RBMS3: variants seen among roughly 807,000 people sequenced by gnomAD.
RBMS3 encodes RNA-binding motif, single-stranded-interacting protein 3.
RBMS3 carries 27 observed loss-of-function variants against 66.8 expected under a neutral mutation model. The observed-to-expected ratio is 0.40, with a 90% CI of 0.30 to 0.56. RBMS3 has a LOEUF of 0.56. Among genes scored for constraint, RBMS3 ranks in the 20% least tolerant of loss-of-function variants. RBMS3 has a pLI of 0.40. For missense variants in RBMS3, 513 were observed against 549.5 expected (o/e 0.93, Z 0.66); for synonymous variants, 188 against 183.0 (o/e 1.03, Z -0.22).
At chr3:29,954,223 A>G (rs937093893) in intron 12 of RBMS3, among the ~76,000 whole-genome samples, 1 of 151,842 alleles carries the variant, frequency 6.6e-6, no homozygotes. Context: ...TAACTGTTAT[A>G]TAGATGACCT....
At chr3:29,891,616 T>C (rs2060003862) in intron 8 of RBMS3, among the ~76,000 whole-genome samples, 1 of 151,514 alleles carries the variant, frequency 6.6e-6, no homozygotes, top group Admixed American at 6.6e-5. Flanking sequence ...ATCTCATCTT[T>C]CCTGTGCCCT....
intron 1 of RBMS3, among the ~76,000 whole-genome samples, chr3:29,323,598 T>C (rs1195180014): frequency 6.6e-6 from 1 of 151,946 alleles, no homozygotes; most frequent in African/African-American, 2.4e-5. Flanking sequence ...AAGCCATATG[T>C]AATATGTCTG....
intron 2 of RBMS3, among the ~76,000 whole-genome samples, chr3:29,487,936 C>T (rs1218239556): frequency 1.3e-5 from 2 of 152,160 alleles, no homozygotes; most frequent in East Asian, 1.9e-4. Flanking sequence ...TACATTGCTC[C>T]TGGAGCCTAA....
chr3:29,969,234 GATA>G (rs1697065999), intron 12 of RBMS3, among the ~76,000 whole-genome samples: 1 of 152,144 alleles, frequency 6.6e-6, no homozygotes, highest in South Asian at 2.1e-4. Flanking sequence ...AACGATTTTG[GATA>G]ATTCTACCAG....
intron 1 of RBMS3, among the ~76,000 whole-genome samples, chr3:29,381,802 T>C (rs1431307914): frequency 1.3e-5 from 2 of 152,196 alleles, no homozygotes; most frequent in African/African-American, 4.8e-5. Context: ...GCTGAGTTCA[T>C]TTTTGTCTTT....
rs190301564 is a variant in RBMS3, at chr3:29,782,874, G to A, written c.637+19885G>A. ...TCTGGAAATCAAGGACACACTTAGA[G>A]AAATGCAAAATGCACTAGAAAGTCT... On this transcript the variant is annotated intron_variant, in intron 6 of 14. Coordinates refer to ENST00000383767, the MANE Select transcript of RBMS3 (RefSeq NM_001003793.3). Among the ~76,000 whole-genome samples, 385 of 152,152 alleles carry A rather than the reference G, an allele frequency of 2.5e-3. 1 individual carries two copies. Among genetic ancestry groups the A allele is most frequent in the Non-Finnish European group, 3.0e-3 (206 of 68,014 alleles).
intron 1 of RBMS3, among the ~76,000 whole-genome samples, chr3:29,383,303 C>A (rs13059377): frequency 6.6e-6 from 1 of 152,084 alleles, no homozygotes; most frequent in Non-Finnish European, 1.5e-5. Flanking sequence ...TGGTTTCTCT[C>A]GTCACTTGTC....
chr3:29,295,341 A>G (rs1575486751), intron 1 of RBMS3, among the ~76,000 whole-genome samples: 2 of 144,550 alleles, frequency 1.4e-5, no homozygotes, highest in Admixed American at 1.4e-4. Context: ...ACACATATAT[A>G]TATACATATA....
chr3:29,726,610 G>A (rs879086198), intron 4 of RBMS3, among the ~76,000 whole-genome samples: 1 of 151,994 alleles, frequency 6.6e-6, no homozygotes, highest in African/African-American at 2.4e-5. Context: ...ATACACAATT[G>A]CATGGGAGAA....
intron 4 of RBMS3, among the ~76,000 whole-genome samples, chr3:29,624,014 T>G (rs964466694): frequency 2.0e-5 from 3 of 152,226 alleles, no homozygotes; most frequent in Admixed American, 2.0e-4. Flanking sequence ...AATATATGCC[T>G]ATAATAATGT....
intron 10 of RBMS3, among the ~76,000 whole-genome samples, chr3:29,917,272 A>G (rs1475352221): frequency 6.6e-6 from 1 of 152,066 alleles, no homozygotes; most frequent in East Asian, 1.9e-4. Flanking sequence ...AAGCAGGTGT[A>G]ATTTGTCTTT....
At chr3:29,457,108 A>T (rs12495100) in intron 2 of RBMS3, among the ~76,000 whole-genome samples, 1 of 152,010 alleles carries the variant, frequency 6.6e-6, no homozygotes, top group South Asian at 2.1e-4. Context: ...GAGTTGACAC[A>T]GTCAGGTTTG....
intron 4 of RBMS3, among the ~76,000 whole-genome samples, chr3:29,606,081 GT>G (rs2048312594): frequency 6.6e-6 from 1 of 151,414 alleles, no homozygotes; most frequent in Non-Finnish European, 1.5e-5. Flanking sequence ...GTAAGTAGGA[GT>G]TTTGCTGAAT....
rs140035260 is a variant in RBMS3, at chr3:29,281,399, C to T, written c.-283C>T. 4.4e-4 allele frequency: 209 copies of T among 479,130 alleles called. No homozygotes were observed. The highest frequency in any genetic ancestry group is 3.8e-3 in the African/African-American group (186 of 49,180). The allele number at this position is 479,130 out of a possible 1,614,324, so 29.7% of individuals were successfully genotyped here. ...AAACTGCCTCATCCCAAGTGGACCC[C>T]GGCAGCTGGGGGAAGCCAGGCAAGA... is the stretch of plus-strand genomic sequence containing the variant. On this transcript the variant is annotated 5_prime_UTR_variant, in exon 1 of 15. Coordinates refer to ENST00000383767, the MANE Select transcript of RBMS3 (RefSeq NM_001003793.3).
chr3:29,401,673 C>T (rs2039816994), intron 1 of RBMS3, among the ~76,000 whole-genome samples: 1 of 152,048 alleles, frequency 6.6e-6, no homozygotes, highest in South Asian at 2.1e-4. Context: ...TAGGTGGGAA[C>T]TTCTGAATGA....
chr3:29,523,669 T>G (rs995998046), intron 3 of RBMS3, among the ~76,000 whole-genome samples: 2 of 152,192 alleles, frequency 1.3e-5, no homozygotes, highest in Non-Finnish European at 2.9e-5. Context: ...TACTTTCTGT[T>G]GTCAGTCTGC....
At chr3:29,855,149 A>G (rs536612359) in intron 6 of RBMS3, among the ~76,000 whole-genome samples, 36 of 152,342 alleles carry the variant, frequency 2.4e-4, no homozygotes, top group African/African-American at 8.7e-4. Flanking sequence ...ACTCTATGCC[A>G]GATTTGGGAT....
chr3:29,748,397 A>T (rs538223585), intron 5 of RBMS3, among the ~76,000 whole-genome samples: 54 of 152,202 alleles, frequency 3.5e-4, no homozygotes, highest in Non-Finnish European at 6.8e-4. Context: ...GAAGATGGCC[A>T]CTCAGGAGTG....
chr3:29,483,217 G>A (rs2043201897), intron 2 of RBMS3, among the ~76,000 whole-genome samples: 1 of 150,400 alleles, frequency 6.6e-6, no homozygotes, highest in East Asian at 2.0e-4. Flanking sequence ...GCTGAGGCAG[G>A]AGAATGGCGT....
Sources: allele counts gnomAD v4.1 joint callset (sites outside exome capture counted in the v4.1 genomes callset), GRCh38; gene constraint gnomAD v4.1.1; transcripts MANE v1.5; gene names NCBI Gene and HGNC (gene_info 2026-07-23, HGNC 2026-07-21).